SAMD5: variants seen among roughly 807,000 people sequenced by gnomAD.
The protein encoded by SAMD5 is sterile alpha motif domain-containing protein 5.
Under a neutral mutation model 11.3 loss-of-function variants are expected in SAMD5, and 13 were observed. The observed-to-expected ratio is 1.15, with a 90% CI of 0.75 to 1.83. SAMD5 has a LOEUF of 1.83. Ranked by LOEUF, SAMD5 falls within the 40% of genes most tolerant of loss-of-function variation. SAMD5 has a pLI of 0.00. For missense variants in SAMD5, 255 were observed against 239.1 expected, an observed-to-expected ratio of 1.07 and a Z score of -0.44; for synonymous variants, 129 against 111.3, an observed-to-expected ratio of 1.16 and a Z score of -1.00.
chr6:147,872,620 A>G, the SAMD5 span, among the ~76,000 whole-genome samples: 2 of 152,134 alleles, frequency 1.3e-5, no homozygotes, highest in Non-Finnish European at 2.9e-5. Context: ...TCACTCCTCT[A>G]TACTGCTTTT....
chr6:147,610,072 A>C (rs763386565), intron 1 of SAMD5, among the ~76,000 whole-genome samples: 55 of 152,190 alleles, frequency 3.6e-4, no homozygotes, highest in Non-Finnish European at 5.9e-4. Flanking sequence ...GCTGTGCTCT[A>C]TAAACAATGA....
chr6:147,897,566 G>A, the SAMD5 span, among the ~76,000 whole-genome samples: 1 of 152,198 alleles, frequency 6.6e-6, no homozygotes, highest in South Asian at 2.1e-4. Context: ...GCAACTATGT[G>A]CTTACTAGTT....
intron 1 of SAMD5, among the ~76,000 whole-genome samples, chr6:147,553,359 G>A (rs2128443305): frequency 6.6e-6 from 1 of 152,300 alleles, no homozygotes; most frequent in South Asian, 2.1e-4. Flanking sequence ...TGGCAGGAAG[G>A]GATAGGATGA....
the SAMD5 span, among the ~76,000 whole-genome samples, chr6:147,792,240 A>G: frequency 6.6e-6 from 1 of 152,212 alleles, no homozygotes; most frequent in African/African-American, 2.4e-5. Flanking sequence ...GTAACTGTAC[A>G]TAAGCATAAT....
chr6:147,706,686 G>A (rs991824593), intron 1 of SAMD5, among the ~76,000 whole-genome samples: 1 of 152,194 alleles, frequency 6.6e-6, no homozygotes, highest in Non-Finnish European at 1.5e-5. Context: ...GCTCTACAGG[G>A]CTAACTGCAG....
At chr6:147,899,323 A>G in the SAMD5 span, among the ~76,000 whole-genome samples, 86 of 152,230 alleles carry the variant, frequency 5.6e-4, no homozygotes, top group Admixed American at 2.1e-3. Context: ...AGGAGTTGTG[A>G]GGCTTGGGGC....
At chr6:147,804,111 CTTT>C in the SAMD5 span, among the ~76,000 whole-genome samples, 88 of 132,104 alleles carry the variant, frequency 6.7e-4, 1 homozygote, top group African/African-American at 1.3e-3. Flanking sequence ...TTGAAGATAT[CTTT>C]TTTTTTTTTT....
At chr6:147,803,131 CTGTGTGTGTGTGTGTGTGTGTGTGTG>C in the SAMD5 span, among the ~76,000 whole-genome samples, 3 of 136,754 alleles carry the variant, frequency 2.2e-5, no homozygotes, top group African/African-American at 2.7e-5. Context: ...GCCTTCCTTT[CTGTGTGTGTGTGTGTGTGTGTGTGTG>C]TGTGTGTGTG....
intron 1 of SAMD5, among the ~76,000 whole-genome samples, chr6:147,595,930 A>G (rs1169567276): frequency 6.6e-6 from 1 of 152,130 alleles, no homozygotes; most frequent in East Asian, 1.9e-4. Context: ...ACAGCTCCGT[A>G]TTAGTATTAC....
At chr6:147,644,102 C>T (rs1482065690) in intron 1 of SAMD5, among the ~76,000 whole-genome samples, 6 of 152,042 alleles carry the variant, frequency 3.9e-5, no homozygotes, top group African/African-American at 1.2e-4. Flanking sequence ...AATGTTTTAC[C>T]TTCCATGAAA....
chr6:147,879,927 C>T, the SAMD5 span, among the ~76,000 whole-genome samples: 1,392 of 152,228 alleles, frequency 9.1e-3, 12 homozygotes, highest in Non-Finnish European at 0.013. Context: ...CAGAACTTAC[C>T]TTGTTCCTGC....
chr6:147,665,062 G>GA (rs1790699009), intron 1 of SAMD5, among the ~76,000 whole-genome samples: 1 of 152,108 alleles, frequency 6.6e-6, no homozygotes, highest in African/African-American at 2.4e-5. Context: ...TGTTACAGTG[G>GA]AAAATGTTTC....
chr6:147,593,094 G>T lies in SAMD5; in HGVS notation c.162+83707G>T, dbSNP rs189338330. Among the ~76,000 whole-genome samples, 301 of 152,216 alleles carry T rather than the reference G, an allele frequency of 2.0e-3. 4 individuals are homozygous for T. Among genetic ancestry groups the T allele is most frequent in the Non-Finnish European group, 2.6e-4 (18 of 68,014 alleles). On this transcript the variant is annotated intron_variant, in intron 1 of 1. Transcript: ENST00000566741. ...GGAAATGGTGTGGTAGAGGGAAGCGGCTTTATTCGATCTGGCCAGAAGTTA... is the reference window on the plus strand; with the variant it reads ...GGAAATGGTGTGGTAGAGGGAAGCGTCTTTATTCGATCTGGCCAGAAGTTA...
rs1013035218 is a variant in SAMD5, at chr6:147,566,040, A to G, written c.*1584A>G. On this transcript the variant is annotated 3_prime_UTR_variant, in exon 2 of 2. Coordinates refer to ENST00000367474, the MANE Select transcript of SAMD5 (RefSeq NM_001030060.3). ...TTTTTCCTGGTCCATTTTGGTTCCT[A>G]AGAATAGATAGGCCATTAAGAAGGA... 4 of 985,132 alleles carry G rather than the reference A, an allele frequency of 4.1e-6. No individual in the cohort carries two copies. The highest frequency in any genetic ancestry group is 1.7e-5 in the African/African-American group (1 of 57,240). 61.0% of individuals were successfully genotyped at this position (985,132 alleles called of 1,614,324 possible).
intron 1 of SAMD5, among the ~76,000 whole-genome samples, chr6:147,717,704 A>C (rs1791487999): frequency 6.6e-6 from 1 of 152,122 alleles, no homozygotes. Context: ...CAAAAACTAC[A>C]GGTGGTGGGC....
the SAMD5 span, among the ~76,000 whole-genome samples, chr6:147,775,576 T>C: frequency 2.6e-5 from 4 of 152,228 alleles, no homozygotes; most frequent in East Asian, 7.7e-4. Context: ...TGTTTCAACA[T>C]ATTCAAATGG....
intron 1 of SAMD5, among the ~76,000 whole-genome samples, chr6:147,697,551 T>C (rs564142390): frequency 1.3e-5 from 2 of 152,208 alleles, no homozygotes; most frequent in Non-Finnish European, 2.9e-5. Flanking sequence ...GTTTATTACT[T>C]ATCACTTGAT....
At chr6:147,827,563 G>A in the SAMD5 span, among the ~76,000 whole-genome samples, 4 of 152,236 alleles carry the variant, frequency 2.6e-5, no homozygotes, top group African/African-American at 7.2e-5. Flanking sequence ...AGTGGAGCCC[G>A]AGCCAAGATT....
chr6:147,586,544 C>T (rs369808032), intron 1 of SAMD5, among the ~76,000 whole-genome samples: 2 of 152,222 alleles, frequency 1.3e-5, no homozygotes, highest in Admixed American at 6.5e-5. Context: ...CTGGACTCCA[C>T]ATTTAAACTA....
Sources: gnomAD v4.1 joint callset for allele counts (sites outside exome capture counted in the v4.1 genomes callset) on GRCh38, gnomAD v4.1.1 for gene constraint, MANE v1.5 for transcripts, NCBI Gene and HGNC (gene_info 2026-07-23, HGNC 2026-07-21) for gene names.